Variants in NOD2 observed in about 807,000 individuals in gnomAD.
The protein encoded by NOD2 is nucleotide binding oligomerization domain containing 2, also known as nucleotide-binding oligomerization domain-containing protein 2.
A neutral mutation model predicts 90.9 loss-of-function variants in NOD2; 86 were observed. The ratio of observed to expected loss-of-function variants is 0.95; its 90% CI spans 0.79 to 1.13. NOD2 has a LOEUF of 1.13. NOD2 is among the 50% of genes most tolerant of loss of function. The pLI is 0.00. For missense variants in NOD2, 1,238 were observed against 1,283.8 expected (o/e 0.96, Z 0.55); for synonymous variants, 581 against 554.6 (o/e 1.05, Z -0.67).
intron 6 of NOD2, chr16:50,719,642 G>A: frequency 1.7e-6 from 1 of 571,500 alleles, no homozygotes; most frequent in East Asian, 3.6e-5. Flanking sequence ...GCTGTCCCGG[G>A]GAAACCACCT....
At chr16:50,729,959 A>G (rs903264190) in intron 11 of NOD2, 58 bp downstream of exon 11, 52 of 1,304,948 alleles carry the variant, frequency 4.0e-5, no homozygotes, top group Non-Finnish European at 5.6e-5. Context: ...TCTATCTGTA[A>G]AATGGGGTGA....
chr16:50,699,600 C>G lies in NOD2; in HGVS notation c.105C>G (p.Ser35=), dbSNP rs367895771. The change falls in exon 2 of 12, where the codon TCC becomes TCG. Residue 35 remains serine, a synonymous_variant. Coordinates refer to ENST00000647318, the MANE Select transcript of NOD2 (RefSeq NM_001370466.1). The part of the protein sequence containing the change: ...GFESVLDWLL[S]WEVLSWEDYE... ...AGAGTGTCCTGGACTGGCTGCTGTC[C>G]TGGGAGGTCCTCTCCTGGGAGGACT... The G allele has an allele frequency of 1.9e-6, 3 of 1,613,942 alleles. No homozygotes were observed. The East Asian group carries it at 6.7e-5, about 36-fold the overall frequency.
chr16:50,699,455 G>A (rs1303168518), intron 1 of NOD2, 33 bp from the exon 2 acceptor site: 4 of 1,595,788 alleles, frequency 2.5e-6, no homozygotes, highest in African/African-American at 2.7e-5. Flanking sequence ...GGCTTCTGGA[G>A]AAGTCCCGCA....
Position 50,722,681 on chromosome 16 carries a change from A to G in NOD2, c.2693A>G (p.Asp898Gly), listed in dbSNP as rs545734771. 38 of 1,614,226 alleles carry G rather than the reference A, an allele frequency of 2.4e-5. No homozygotes were observed. The Admixed American group carries it at 3.5e-4, about 15-fold the overall frequency. ...GAQALAEALG[D>G]HQSLRWLSLV... ...CAGGCCCTGGCTGAAGCCTTGGGTGATCACCAGAGCTTGAGGTGGCTCAGG... is the reference window on the plus strand; with the variant it reads ...CAGGCCCTGGCTGAAGCCTTGGGTGGTCACCAGAGCTTGAGGTGGCTCAGG... The change falls in exon 8 of 12, where the codon GAT becomes GGT. Residue 898 changes from aspartate to glycine, a missense_variant. Asp to Gly is a moderately conservative substitution (Grantham distance 94). This residue lies in a region of NOD2 where 667 missense variants were observed against 688.7 expected (regional missense o/e 0.97). Transcript: ENST00000647318.
At chr16:50,724,877 G>T (rs555387842) in intron 9 of NOD2, among the ~76,000 whole-genome samples, 1 of 152,168 alleles carries the variant, frequency 6.6e-6, no homozygotes, top group Non-Finnish European at 1.5e-5. Context: ...GTGGCTACAA[G>T]AGGCCAGGAG....
chr16:50,711,306 GGCGGACCGCCT>G lies in NOD2; in HGVS notation c.1315_1325del (p.Ala439HisfsTer109). ...GGAAGCGCCATCATGAGCCCGGGGT[GGCGGACCGCCT>G]CATCCGCCTGCTCCAAGAGACCTCA... On this transcript the variant is annotated frameshift_variant, in exon 4 of 12. Coordinates refer to ENST00000647318, the MANE Select transcript of NOD2 (RefSeq NM_001370466.1). LOFTEE classifies it high-confidence loss of function. 6.2e-7 allele frequency: 1 copy of G among 1,613,696 alleles called. No individual in the cohort carries two copies. Among genetic ancestry groups the G allele is most frequent in the East Asian group, 2.2e-5 (1 of 44,880 alleles).
chr16:50,707,515 C>A (rs1008734713), intron 2 of NOD2, among the ~76,000 whole-genome samples: 1 of 152,210 alleles, frequency 6.6e-6, no homozygotes, highest in Non-Finnish European at 1.5e-5. Flanking sequence ...AATATTCAAT[C>A]CATGAGACTT....
At chr16:50,697,508 G>A (rs756682945) in intron 1 of NOD2, 70 of 667,280 alleles carry the variant, frequency 1.0e-4, no homozygotes, top group South Asian at 3.4e-4. Context: ...GGCCGCTGTC[G>A]CATCCTTGGC....
intron 4 of NOD2, chr16:50,713,617 CAG>C (rs1364559415): frequency 1.3e-5 from 2 of 149,988 alleles, no homozygotes; most frequent in Non-Finnish European, 2.9e-5. Context: ...GTTTGAAAAA[CAG>C]ATTGTTTACA....
intron 10 of NOD2, among the ~76,000 whole-genome samples, chr16:50,726,733 C>T (rs1965279148): frequency 1.3e-5 from 2 of 152,232 alleles, no homozygotes; most frequent in Non-Finnish European, 2.9e-5. Context: ...TATTTTTCAG[C>T]ATCCTAAACT....
rs567793250 is a variant in NOD2, at chr16:50,699,488, G to C, written c.-8G>C. ...GCACTGACCTTGTTCTCCTCCCCAG[G>C]TTGTGAAATGTGCTCGCAGGAGGCT... On this transcript the variant is annotated splice_region_variant and 5_prime_UTR_variant, in exon 2 of 12. Coordinates refer to ENST00000647318, the MANE Select transcript of NOD2 (RefSeq NM_001370466.1). 4 of 1,612,918 alleles carry C rather than the reference G, an allele frequency of 2.5e-6. No homozygotes were observed. In the Admixed American group the frequency reaches 6.7e-5, roughly 27 times the overall value.
chr16:50,731,758 A>G lies in NOD2; in HGVS notation c.2981A>G (p.Asn994Ser), dbSNP rs772890413. The change falls in exon 12 of 12, where the codon AAC becomes AGC. Residue 994 changes from asparagine to serine, a missense_variant. This residue lies in a region of NOD2 where 667 missense variants were observed against 688.7 expected (regional missense o/e 0.97). Coordinates refer to ENST00000647318, the MANE Select transcript of NOD2 (RefSeq NM_001370466.1). ...DTILEVWLRG[N>S]TFSLEEVDKL... ...TTGATCTGCTTTAGGCTCCGAGGGA[A>G]CACTTTCTCTCTAGAGGAGGTTGAC... is the stretch of plus-strand genomic sequence containing the variant. The G allele has an allele frequency of 6.2e-7, 1 of 1,613,202 alleles. No homozygotes were observed. Among genetic ancestry groups the G allele is most frequent in the Non-Finnish European group, 8.5e-7 (1 of 1,179,190 alleles).
At chr16:50,712,911 A>T (rs1353818934) in intron 4 of NOD2, 1 of 169,556 alleles carries the variant, frequency 5.9e-6, no homozygotes, top group Non-Finnish European at 1.3e-5. Flanking sequence ...CCCCAACCAG[A>T]TGGGAATTTC....
At position 50,710,967 on chromosome 16, in the gene NOD2, C is replaced by G; in HGVS notation, c.975C>G (p.His325Gln). 1 of 1,614,266 alleles carries G rather than the reference C, an allele frequency of 6.2e-7. No individual in the cohort carries two copies. The highest frequency in any genetic ancestry group is 8.5e-7 in the Non-Finnish European group (1 of 1,180,046). The change falls in exon 4 of 12, where the codon CAC (histidine) becomes CAG (glutamine). Residue 325 changes from histidine (H) to glutamine (Q), a missense_variant. By Grantham distance (24) the His-to-Gln change is conservative (BLOSUM62 0). Around this residue, in one of 3 missense-constraint regions of NOD2, gnomAD observed 567 missense variants for 577.3 expected, o/e 0.98. Coordinates refer to ENST00000647318, the MANE Select transcript of NOD2 (RefSeq NM_001370466.1). ...CTGTGCGGACTCTACTCTTTGAGCA[C>G]TGCTGTTGGCCTGATGTTGGTCAAG... ...PLSVRTLLFE[H>Q]CCWPDVGQED...
intron 1 of NOD2, among the ~76,000 whole-genome samples, chr16:50,695,472 T>G (rs957328173): frequency 1.3e-5 from 2 of 152,044 alleles, no homozygotes; most frequent in Non-Finnish European, 2.9e-5. Context: ...AGCTGCCCAT[T>G]AGGCATCAAT....
intron 7 of NOD2, among the ~76,000 whole-genome samples, 195 bp downstream of exon 7, chr16:50,720,203 T>G (rs1322097984): frequency 1.3e-5 from 2 of 152,028 alleles, no homozygotes; most frequent in African/African-American, 4.8e-5. Context: ...ACAGGAAGTT[T>G]GGGATGTTGG....
rs104895430 is a variant in NOD2, at chr16:50,711,192, G to A, written c.1200G>A (p.Pro400=). ...KNARKVVTSR[P]AAVSAFLRKY... ...CCCGCAAGGTGGTGACCAGCCGTCC[G>A]GCCGCTGTGTCGGCGTTCCTCAGGA... Residue 400 remains proline (P), a synonymous_variant, in exon 4 of 12, where the codon CCG becomes CCA. Coordinates refer to ENST00000647318, the MANE Select transcript of NOD2 (RefSeq NM_001370466.1). The A allele has an allele frequency of 9.7e-5, 156 of 1,614,060 alleles. No individual in the cohort carries two copies. In the African/African-American group the frequency reaches 1.1e-3, roughly 11 times the overall value.
chr16:50,700,045 G>T (rs76961626), intron 2 of NOD2, 91 bp downstream of exon 2: 4 of 1,277,708 alleles, frequency 3.1e-6, no homozygotes, highest in South Asian at 2.5e-5. Flanking sequence ...CAGCCTGTGG[G>T]GTAACTTGGT....
At chr16:50,697,643 C>T (rs1450284369) in intron 1 of NOD2, 1 of 406,120 alleles carries the variant, frequency 2.5e-6, no homozygotes, top group Non-Finnish European at 4.7e-6. Flanking sequence ...GATGTGGGCA[C>T]AAGGAGGAGA....
Sources: allele counts gnomAD v4.1 joint callset (sites outside exome capture counted in the v4.1 genomes callset), GRCh38; gene constraint gnomAD v4.1.1; regional missense constraint gnomAD v4.1.1; transcripts MANE v1.5; gene names NCBI Gene and HGNC (gene_info 2026-07-23, HGNC 2026-07-21).